FER: variants seen among roughly 807,000 people sequenced by gnomAD.
The protein encoded by FER is tyrosine-protein kinase Fer.
FER carries 63 observed loss-of-function variants against 111.0 expected under a neutral mutation model. The observed-to-expected ratio is 0.57, with a 90% confidence interval of 0.46 to 0.70. The LOEUF (loss-of-function observed/expected upper bound fraction) is 0.70. Ranked by LOEUF, FER falls within the 30% of genes least tolerant of loss-of-function variation. FER has a pLI of 0.00. For synonymous variants in FER, 327 were observed against 313.9 expected (o/e 1.04, Z -0.44); for missense variants, 914 against 954.0 (o/e 0.96, Z 0.55).
At chr5:108,911,358 C>G (rs1177555103) in intron 10 of FER, among the ~76,000 whole-genome samples, 3 of 151,820 alleles carry the variant, frequency 2.0e-5, no homozygotes, top group African/African-American at 4.8e-5. Flanking sequence ...CCTATAGATT[C>G]TGGATATTAG....
At chr5:108,860,331 T>G (rs962381489) in intron 5 of FER, among the ~76,000 whole-genome samples, 3 of 152,248 alleles carry the variant, frequency 2.0e-5, no homozygotes, top group African/African-American at 7.2e-5. Context: ...TATTTAGCCT[T>G]TGCTATTAAC....
At chr5:108,821,526 G>A (rs747967027) in intron 3 of FER, among the ~76,000 whole-genome samples, 1 of 152,100 alleles carries the variant, frequency 6.6e-6, no homozygotes, top group Non-Finnish European at 1.5e-5. Flanking sequence ...AAATATGGTA[G>A]TGGTAGTCTT....
At chr5:109,112,442 T>C (rs1353092448) in intron 17 of FER, among the ~76,000 whole-genome samples, 1 of 152,186 alleles carries the variant, frequency 6.6e-6, no homozygotes, top group Non-Finnish European at 1.5e-5. Flanking sequence ...AACTATAATG[T>C]AGCTGAAGTA....
intron 10 of FER, among the ~76,000 whole-genome samples, chr5:108,939,761 G>C (rs546149409): frequency 1.3e-5 from 2 of 151,480 alleles, no homozygotes; most frequent in African/African-American, 4.8e-5. Flanking sequence ...TTTCGTTTAG[G>C]TTCTTAGTTT....
chr5:108,912,091 C>T (rs577028570), intron 10 of FER, among the ~76,000 whole-genome samples: 31 of 152,272 alleles, frequency 2.0e-4, no homozygotes, highest in East Asian at 1.9e-3. Flanking sequence ...AAGTGCCTTT[C>T]GCCTTCTGCC....
Position 108,908,286 on chromosome 5 carries a change from A to T in FER, c.1236+10438A>T, listed in dbSNP as rs550189744. 6.0e-3 allele frequency among the ~76,000 whole-genome samples: 918 copies of T among 152,326 alleles called. 5 individuals are homozygous for T. The highest frequency in any genetic ancestry group is 0.02 in the African/African-American group (824 of 41,582). ...AATTTGCTGTAATAACTGTTAAAAAATTTTTTAAAAACCTTTTTCCTTCCC... is the reference window on the plus strand; with the variant it reads ...AATTTGCTGTAATAACTGTTAAAAATTTTTTTAAAAACCTTTTTCCTTCCC... On this transcript the variant is annotated intron_variant, in intron 10 of 19. Transcript: ENST00000281092.
Position 109,013,300 on chromosome 5 carries a change from A to G in FER, c.1657-24122A>G, listed in dbSNP as rs535080049. On this transcript the variant is annotated intron_variant, in intron 13 of 19. Coordinates refer to ENST00000281092, the MANE Select transcript of FER (RefSeq NM_005246.4). ...TGTGTCCATGTGTTCTCATTGTTCA[A>G]TTCCCACCTATGAGTGAGAACTTGC... Among the ~76,000 whole-genome samples the G allele has an allele frequency of 8.6e-5, 12 of 139,044 alleles. No homozygotes were observed. The South Asian group carries it at 1.4e-3, about 16-fold the overall frequency. The allele number at this position is 139,044 out of a possible 152,430, so 91.2% of individuals were successfully genotyped here. A position where few individuals can be genotyped will look rare whatever the true frequency, so the allele number is the denominator to read the frequency against.
intron 17 of FER, among the ~76,000 whole-genome samples, chr5:109,102,447 A>G (rs1407997933): frequency 6.6e-6 from 1 of 152,138 alleles, no homozygotes; most frequent in Non-Finnish European, 1.5e-5. Context: ...GAAGAATTCT[A>G]GGAACAGCCA....
chr5:108,856,356 T>G (rs1251393098), intron 5 of FER, among the ~76,000 whole-genome samples: 2 of 152,144 alleles, frequency 1.3e-5, no homozygotes, highest in African/African-American at 2.4e-5. Context: ...CATTATTCAT[T>G]TTTTTCCTCC....
In FER at chr5:108,991,148, T is replaced by C. The variant is rs191921743; in HGVS notation, c.1656+31801T>C. 9.2e-5 allele frequency among the ~76,000 whole-genome samples: 14 copies of C among 151,882 alleles called. No individual in the cohort carries two copies. The East Asian group carries it at 2.7e-3, about 29-fold the overall frequency. On this transcript the variant is annotated intron_variant, in intron 13 of 19. Coordinates refer to ENST00000281092, the MANE Select transcript of FER (RefSeq NM_005246.4). ...AAATTATTAAGTATAAAGGAGAAAG[T>C]TTCAATATTGAAATTAAATACCAAT... is the stretch of plus-strand genomic sequence containing the variant.
chr5:108,890,110 C>T (rs568219828), intron 9 of FER, among the ~76,000 whole-genome samples: 2 of 152,052 alleles, frequency 1.3e-5, no homozygotes, highest in South Asian at 4.1e-4. Flanking sequence ...TTCAGTCCAT[C>T]TACCTCCTTA....
chr5:109,165,518 G>A (rs1339489849), intron 17 of FER, among the ~76,000 whole-genome samples: 2 of 151,890 alleles, frequency 1.3e-5, no homozygotes, highest in Non-Finnish European at 2.9e-5. Context: ...TCAGAGGGAG[G>A]AACTATCCTC....
rs6149172 is a variant in FER at position 109,146,253 on chromosome 5, AATATATAT to A, written c.2049-34463_2049-34456del. 5.7e-3 allele frequency among the ~76,000 whole-genome samples: 239 copies of A among 42,124 alleles called. 7 individuals are homozygous for A. The highest frequency in any genetic ancestry group is 8.9e-3 in the African/African-American group (98 of 11,032). The allele number at this position is 42,124 out of a possible 152,430, so 27.6% of individuals were successfully genotyped here. A position where few individuals can be genotyped will look rare whatever the true frequency, so the allele number is the denominator to read the frequency against. Reference sequence around the variant, plus strand: ...TATCTAATATATATATAATCTATCTAATATATATATATATATATATATATATATATATA... The same window carrying A: ...TATCTAATATATATATAATCTATCTAATATATATATATATATATATATATA... On this transcript the variant is annotated intron_variant, in intron 17 of 19. Transcript: ENST00000281092.
chr5:109,125,582 T>TTGG (rs1561927607), intron 17 of FER, among the ~76,000 whole-genome samples: 1 of 152,240 alleles, frequency 6.6e-6, no homozygotes, highest in Non-Finnish European at 1.5e-5. Flanking sequence ...ATAGCACTTA[T>TTGG]AGAAGATTGG....
chr5:108,788,904 T>C (rs1008599122), intron 2 of FER, among the ~76,000 whole-genome samples: 4 of 152,244 alleles, frequency 2.6e-5, no homozygotes, highest in Non-Finnish European at 5.9e-5. Flanking sequence ...TTGTCTCTCT[T>C]TTGTTCACTA....
intron 13 of FER, among the ~76,000 whole-genome samples, chr5:109,002,971 G>A (rs1354773283): frequency 1.3e-5 from 2 of 152,190 alleles, no homozygotes; most frequent in African/African-American, 2.4e-5. Context: ...AACAACAGGT[G>A]CTGGAGAGGA....
intron 1 of FER, among the ~76,000 whole-genome samples, chr5:108,749,477 C>T (rs569281880): frequency 1.3e-3 from 199 of 152,168 alleles, no homozygotes; most frequent in African/African-American, 4.3e-3. Context: ...CGGCGGCACT[C>T]ATCTGGGCGC....
intron 13 of FER, among the ~76,000 whole-genome samples, chr5:108,967,853 G>A (rs140871413): frequency 1.4e-4 from 21 of 151,748 alleles, no homozygotes; most frequent in Middle Eastern, 3.4e-3. Context: ...GGGAAGACAG[G>A]CTCTCAATGT....
At chr5:108,870,339 T>C (rs1451818690) in intron 6 of FER, among the ~76,000 whole-genome samples, 4 of 152,148 alleles carry the variant, frequency 2.6e-5, no homozygotes, top group Admixed American at 6.6e-5. Context: ...ACCTATTTAC[T>C]GTATTGCTTT....
Sources: gnomAD v4.1 joint callset for allele counts (sites outside exome capture counted in the v4.1 genomes callset) on GRCh38, gnomAD v4.1.1 for gene constraint, MANE v1.5 for transcripts, NCBI Gene and HGNC (gene_info 2026-07-23, HGNC 2026-07-21) for gene names.